CD44: variants seen among roughly 807,000 people sequenced by gnomAD.
CD44 encodes CD44 antigen.
In CD44, 49 loss-of-function variants were observed where a neutral mutation model predicts 88.8. The ratio of observed to expected loss-of-function variants is 0.55; its 90% CI spans 0.44 to 0.70. CD44 has a LOEUF of 0.70. CD44 is among the 30% of genes least tolerant of loss of function. The pLI is 0.00. For missense variants in CD44, 883 were observed against 913.8 expected, an observed-to-expected ratio of 0.97 and a Z score of 0.43; for synonymous variants, 325 against 312.3, an observed-to-expected ratio of 1.04 and a Z score of -0.43.
At chr11:35,176,150 C>G (rs1214262224) in intron 1 of CD44, among the ~76,000 whole-genome samples, 1 of 150,554 alleles carries the variant, frequency 6.6e-6, no homozygotes, top group African/African-American at 2.4e-5. Flanking sequence ...TCATGCCATT[C>G]TCCTGCCTCA....
intron 16 of CD44, 112 bp downstream of exon 16, chr11:35,219,499 A>G: frequency 2.7e-6 from 2 of 733,068 alleles, no homozygotes; most frequent in Non-Finnish European, 4.9e-6. Flanking sequence ...TGCCCAACAT[A>G]TGAATCCAAT....
In CD44 at chr11:35,219,400, C is replaced by A. The variant is rs752518319; in HGVS notation, c.1945+13C>A. 6.2e-7 allele frequency: 1 copy of A among 1,604,978 alleles called. No homozygotes were observed. Among genetic ancestry groups the A allele is most frequent in the East Asian group, 2.2e-5 (1 of 44,700 alleles). ...CCCCAAATTCCAGGTGAGTTTCAAA[C>A]TTTGAGGCAGAAAAACACACTGAAA... On this transcript the variant is annotated intron_variant, in intron 16 of 17. Transcript: ENST00000428726.
chr11:35,204,334 A>G (rs369152215), intron 9 of CD44, among the ~76,000 whole-genome samples, 178 bp from the exon 10 acceptor site: 1 of 152,200 alleles, frequency 6.6e-6, no homozygotes, highest in Admixed American at 6.5e-5. Flanking sequence ...AAAATTAAAC[A>G]TTTGGATCAT....
chr11:35,226,385 A>G (rs1949689984), intron 17 of CD44, among the ~76,000 whole-genome samples: 1 of 152,230 alleles, frequency 6.6e-6, no homozygotes, highest in South Asian at 2.1e-4. Flanking sequence ...TTAACTAGAC[A>G]ACTTTCCTCC....
intron 1 of CD44, among the ~76,000 whole-genome samples, chr11:35,154,302 C>T (rs1273082932): frequency 6.6e-6 from 1 of 152,044 alleles, no homozygotes; most frequent in Admixed American, 6.5e-5. Context: ...ATACAGGTGC[C>T]TCTTTTGGGG....
chr11:35,174,222 C>T (rs1944211318), intron 1 of CD44, among the ~76,000 whole-genome samples: 1 of 152,224 alleles, frequency 6.6e-6, no homozygotes, highest in South Asian at 2.1e-4. Context: ...ACTCACTTCC[C>T]TGAGCCTCAA....
At chr11:35,224,501 G>T (rs765443471) in intron 17 of CD44, among the ~76,000 whole-genome samples, 3 of 152,176 alleles carry the variant, frequency 2.0e-5, no homozygotes, top group Non-Finnish European at 4.4e-5. Flanking sequence ...ACTTTGGGAG[G>T]CCGAGGCAGT....
chr11:35,185,996 A>C (rs910564038), intron 3 of CD44, among the ~76,000 whole-genome samples: 1 of 152,192 alleles, frequency 6.6e-6, no homozygotes, highest in Non-Finnish European at 1.5e-5. Flanking sequence ...AGATTCAGGC[A>C]GAAATCTTTA....
chr11:35,184,348 T>C (rs1173910278), intron 3 of CD44, among the ~76,000 whole-genome samples: 1 of 152,212 alleles, frequency 6.6e-6, no homozygotes, highest in Non-Finnish European at 1.5e-5. Context: ...TATTACAACT[T>C]GCTGCCTGGA....
intron 5 of CD44, among the ~76,000 whole-genome samples, chr11:35,191,082 G>A (rs992739599): frequency 6.6e-6 from 1 of 152,154 alleles, no homozygotes; most frequent in African/African-American, 2.4e-5. Context: ...CCTCTGGAGC[G>A]GTTTTCCTAG....
chr11:35,190,926 C>T lies in CD44; in HGVS notation c.667+861C>T, dbSNP rs138389612. Among the ~76,000 whole-genome samples the T allele has an allele frequency of 3.0e-3, 455 of 152,286 alleles. 1 individual carries two copies. The highest frequency in any genetic ancestry group is 0.01 in the African/African-American group (436 of 41,536). The stretch of plus-strand genomic sequence containing the variant: ...CCATTCCTTTGGAGTTTGCCCCTCG[C>T]GCTTCAGCTCCACTGGAAAGTGTTT... On this transcript the variant is annotated intron_variant, in intron 5 of 17. Coordinates refer to ENST00000428726, the MANE Select transcript of CD44 (RefSeq NM_000610.4).
chr11:35,155,204 C>G (rs1941696534), intron 1 of CD44, among the ~76,000 whole-genome samples: 1 of 152,202 alleles, frequency 6.6e-6, no homozygotes, highest in African/African-American at 2.4e-5. Flanking sequence ...CAGTGCTTGA[C>G]TTAGACCAAT....
At chr11:35,144,699 G>A (rs949476935) in intron 1 of CD44, among the ~76,000 whole-genome samples, 1 of 152,128 alleles carries the variant, frequency 6.6e-6, no homozygotes, top group African/African-American at 2.4e-5. Context: ...AGATTTTCTG[G>A]GAGAGTCAGG....
intron 1 of CD44, among the ~76,000 whole-genome samples, chr11:35,166,229 C>T (rs1244100002): frequency 2.0e-5 from 3 of 152,194 alleles, no homozygotes; most frequent in Non-Finnish European, 2.9e-5. Flanking sequence ...ATTTCCTGAT[C>T]ACCATGGCAA....
intron 14 of CD44, chr11:35,213,506 G>A (rs187624811): frequency 3.3e-5 from 5 of 152,316 alleles, no homozygotes; most frequent in Admixed American, 3.3e-4. Context: ...CAAAATATTA[G>A]CCAGGCATGG....
At chr11:35,218,513 G>C (rs766570786) in intron 15 of CD44, among the ~76,000 whole-genome samples, 1 of 152,112 alleles carries the variant, frequency 6.6e-6, no homozygotes, top group Admixed American at 6.6e-5. Context: ...ATTTTTAGTA[G>C]AGACGGGGTT....
chr11:35,151,249 A>G (rs1461356992), intron 1 of CD44, among the ~76,000 whole-genome samples: 1 of 152,138 alleles, frequency 6.6e-6, no homozygotes, highest in Non-Finnish European at 1.5e-5. Flanking sequence ...CATGAAAAGA[A>G]CAGTGAGAGA....
In CD44 at chr11:35,176,749, C is replaced by G. The variant is rs1242853494; in HGVS notation, c.233+9C>G. 3 of 1,612,152 alleles carry G rather than the reference C, an allele frequency of 1.9e-6. No individual in the cohort carries two copies. The highest frequency in any genetic ancestry group is 2.2e-5 in the South Asian group (2 of 90,760). ...GGATTTGAGACCTGCAGGTAAGAGA[C>G]CAGCACCCGACCACTGGGGAAAGCT... On this transcript the variant is annotated intron_variant, in intron 2 of 17. Transcript: ENST00000428726.
At chr11:35,149,886 T>C (rs566326749) in intron 1 of CD44, among the ~76,000 whole-genome samples, 1 of 152,356 alleles carries the variant, frequency 6.6e-6, no homozygotes, top group East Asian at 1.9e-4. Context: ...AAGAGTGTTG[T>C]AGGGACAAAG....
Sources: gnomAD v4.1 joint callset for allele counts (sites outside exome capture counted in the v4.1 genomes callset) on GRCh38, gnomAD v4.1.1 for gene constraint, MANE v1.5 for transcripts, NCBI Gene and HGNC (gene_info 2026-07-23, HGNC 2026-07-21) for gene names.